The following FHIT variants were observed in gnomAD, a reference collection of about 807,000 sequenced individuals.
The protein encoded by FHIT is bis(5'-adenosyl)-triphosphatase.
A neutral mutation model predicts 17.9 loss-of-function variants in FHIT; 19 were observed. The ratio of observed to expected loss-of-function variants is 1.06; its 90% CI spans 0.74 to 1.56. The LOEUF is 1.56. Ranked by LOEUF, FHIT falls within the 40% of genes most tolerant of loss-of-function variation. The pLI is 0.00. For synonymous variants in FHIT, 81 were observed against 69.7 expected, an observed-to-expected ratio of 1.16 and a Z score of -0.81; for missense variants, 248 against 189.2, an observed-to-expected ratio of 1.31 and a Z score of -1.82.
At chr3:60,604,916 T>C (rs529589955) in intron 4 of FHIT, among the ~76,000 whole-genome samples, 1 of 152,298 alleles carries the variant, frequency 6.6e-6, no homozygotes, top group East Asian at 1.9e-4. Flanking sequence ...AGGAGCAGCA[T>C]TGAAGGGATC....
intron 3 of FHIT, among the ~76,000 whole-genome samples, chr3:60,973,428 C>A (rs1261796914): frequency 2.0e-5 from 3 of 151,986 alleles, no homozygotes; most frequent in Admixed American, 2.0e-4. Context: ...TGTTGTCTCT[C>A]CCTGGGAGTG....
At chr3:59,753,744 G>A (rs1435837656) in intron 8 of FHIT, among the ~76,000 whole-genome samples, 1 of 152,068 alleles carries the variant, frequency 6.6e-6, no homozygotes, top group Admixed American at 6.6e-5. Flanking sequence ...TAAAACTGAC[G>A]CTACTTAACC....
intron 8 of FHIT, among the ~76,000 whole-genome samples, chr3:59,894,118 C>T (rs1315225369): frequency 6.6e-6 from 1 of 152,096 alleles, no homozygotes; most frequent in African/African-American, 2.4e-5. Flanking sequence ...GTGGTGCACG[C>T]CTGTAGTCCT....
At chr3:59,977,549 C>T (rs1233793943) in intron 7 of FHIT, among the ~76,000 whole-genome samples, 10 of 152,264 alleles carry the variant, frequency 6.6e-5, no homozygotes, top group African/African-American at 2.2e-4. Flanking sequence ...GGTTATCACA[C>T]ACAATGACAG....
intron 5 of FHIT, among the ~76,000 whole-genome samples, chr3:60,210,979 A>T (rs559566247): frequency 1.3e-5 from 2 of 152,034 alleles, no homozygotes; most frequent in Admixed American, 1.3e-4. Flanking sequence ...TTAAAATAAC[A>T]AGAGATTGAA....
intron 5 of FHIT, among the ~76,000 whole-genome samples, chr3:60,394,795 GT>G (rs1701368897): frequency 6.6e-6 from 1 of 152,156 alleles, no homozygotes; most frequent in African/African-American, 2.4e-5. Context: ...CACTACCACT[GT>G]TACCACTATC....
chr3:60,781,748 C>A (rs1700396600), intron 4 of FHIT, among the ~76,000 whole-genome samples: 1 of 152,082 alleles, frequency 6.6e-6, no homozygotes, highest in Non-Finnish European at 1.5e-5. Context: ...ACAAGAAGTA[C>A]CACTTGGCTG....
intron 5 of FHIT, among the ~76,000 whole-genome samples, chr3:60,163,792 C>A (rs957505041): frequency 6.6e-6 from 1 of 152,168 alleles, no homozygotes; most frequent in Non-Finnish European, 1.5e-5. Context: ...TTCTGACAAC[C>A]AGAAATGCCT....
intron 5 of FHIT, among the ~76,000 whole-genome samples, chr3:60,443,686 T>A (rs1019128764): frequency 1.3e-5 from 2 of 152,168 alleles, no homozygotes; most frequent in Non-Finnish European, 2.9e-5. Flanking sequence ...AGTATTTTAT[T>A]GAGGATTTTT....
intron 5 of FHIT, among the ~76,000 whole-genome samples, chr3:60,278,893 T>A (rs1342173922): frequency 6.6e-6 from 1 of 152,064 alleles, no homozygotes; most frequent in Non-Finnish European, 1.5e-5. Flanking sequence ...AAACAATGCT[T>A]TGCAGGAAAT....
intron 4 of FHIT, among the ~76,000 whole-genome samples, chr3:60,639,161 T>G (rs2039664788): frequency 6.6e-6 from 1 of 150,582 alleles, no homozygotes; most frequent in African/African-American, 2.5e-5. Context: ...ATTTGCATCG[T>G]GAGGGAATAA....
chr3:60,259,140 C>T (rs189350010), intron 5 of FHIT, among the ~76,000 whole-genome samples: 3 of 151,884 alleles, frequency 2.0e-5, no homozygotes, highest in Admixed American at 6.6e-5. Flanking sequence ...AAGTTATAGC[C>T]GTCAAAACTA....
At chr3:60,936,915 C>T (rs1575720263) in intron 3 of FHIT, among the ~76,000 whole-genome samples, 1 of 152,162 alleles carries the variant, frequency 6.6e-6, no homozygotes, top group Admixed American at 6.5e-5. Flanking sequence ...TGATACATTT[C>T]ATTGATGAGG....
At chr3:60,738,198 G>A (rs1018835727) in intron 4 of FHIT, among the ~76,000 whole-genome samples, 39 of 152,322 alleles carry the variant, frequency 2.6e-4, no homozygotes, top group African/African-American at 7.5e-4. Context: ...TCTGAAAAGA[G>A]TCCTAAGCCT....
At chr3:60,264,605 C>T (rs1468634628) in intron 5 of FHIT, among the ~76,000 whole-genome samples, 1 of 151,858 alleles carries the variant, frequency 6.6e-6, no homozygotes, top group Non-Finnish European at 1.5e-5. Flanking sequence ...TATAAAAGCA[C>T]AATAGAGCAA....
intron 4 of FHIT, among the ~76,000 whole-genome samples, chr3:60,638,574 G>A (rs1254212509): frequency 1.3e-5 from 2 of 152,064 alleles, no homozygotes; most frequent in African/African-American, 4.8e-5. Context: ...CACAATGTCT[G>A]GGGTAAGAGT....
chr3:60,861,921 C>G (rs2107003865), intron 3 of FHIT, among the ~76,000 whole-genome samples: 1 of 129,820 alleles, frequency 7.7e-6, no homozygotes, highest in Middle Eastern at 5.1e-3. Context: ...CTGCACTGGG[C>G]AACAGACCAA....
intron 5 of FHIT, among the ~76,000 whole-genome samples, chr3:60,200,683 A>AAT (rs397989821): frequency 6.6e-6 from 1 of 150,812 alleles, no homozygotes; most frequent in East Asian, 2.0e-4. Flanking sequence ...AAAAAAAAAA[A>AAT]GGCTGTCATT....
chr3:59,826,626 T>C (rs1361669803), intron 8 of FHIT, among the ~76,000 whole-genome samples: 5 of 152,236 alleles, frequency 3.3e-5, no homozygotes, highest in African/African-American at 9.6e-5. Context: ...TAACCTGGCA[T>C]TGTAGGAGAC....
Sources: gnomAD v4.1 joint callset for allele counts (sites outside exome capture counted in the v4.1 genomes callset) on GRCh38, gnomAD v4.1.1 for gene constraint, MANE v1.5 for transcripts, NCBI Gene and HGNC (gene_info 2026-07-23, HGNC 2026-07-21) for gene names.